The following GRAMD1A variants were observed in gnomAD, a reference collection of about 807,000 sequenced individuals.
GRAMD1A encodes protein Aster-A.
In GRAMD1A, 50 loss-of-function variants were observed where a neutral mutation model predicts 92.0. The observed-to-expected ratio is 0.54, with a 90% CI of 0.43 to 0.69. The LOEUF is 0.69. Ranked by LOEUF, GRAMD1A falls within the 30% of genes least tolerant of loss-of-function variation. The pLI is 0.00. For synonymous variants in GRAMD1A, 405 were observed against 403.6 expected (o/e 1.00, Z -0.04); for missense variants, 819 against 978.9 (o/e 0.84, Z 2.18).
At chr19:35,019,839 A>T (rs977024876) in intron 13 of GRAMD1A, among the ~76,000 whole-genome samples, 14 of 152,208 alleles carry the variant, frequency 9.2e-5, no homozygotes, top group African/African-American at 2.4e-4. Context: ...TGATCAGGAA[A>T]ATCTGCAGAA....
Position 35,013,942 on chromosome 19 carries a change from GCAGA to G in GRAMD1A, c.871-237_871-234del, listed in dbSNP as rs1023950296. Among the ~76,000 whole-genome samples the G allele has an allele frequency of 2.0e-5, 3 of 152,190 alleles. No homozygotes were observed. The highest frequency in any genetic ancestry group is 2.1e-4 in the South Asian group (1 of 4,834). On this transcript the variant is annotated intron_variant, in intron 9 of 19. Coordinates refer to ENST00000317991, the MANE Select transcript of GRAMD1A (RefSeq NM_020895.5). The surrounding 1 kb of genome is among the most constrained non-coding windows in gnomAD (Gnocchi z 4.9). ...GGGAGATGGGTGGATAGATGAAGCA[GCAGA>G]CAGACAGACGGACAGGACAGGTAAG...
chr19:35,000,054 C>T (rs907901822), upstream of GRAMD1A: 3 of 985,740 alleles, frequency 3.0e-6, no homozygotes, highest in African/African-American at 5.2e-5. This position sits in a 1 kb window ranked among gnomAD's most constrained non-coding sequence, Gnocchi z 4.9. Context: ...TTTCTAGGTA[C>T]TAGGGGAGGG....
intron 19 of GRAMD1A, 79 bp downstream of exon 19, chr19:35,023,626 A>T: frequency 7.4e-7 from 1 of 1,355,090 alleles, no homozygotes; most frequent in Non-Finnish European, 9.9e-7. Context: ...TGCGGCAGGC[A>T]CTTCCCCTCT....
intron 6 of GRAMD1A, 33 bp from the exon 7 acceptor site, chr19:35,011,441 G>A (rs771454513): frequency 1.6e-5 from 24 of 1,543,264 alleles, no homozygotes; most frequent in Non-Finnish European, 2.1e-5. Context: ...TCCCCAACCT[G>A]CTCACACCTC....
chr19:35,009,348 G>T lies in GRAMD1A; in HGVS notation c.219+19G>T. Reference sequence around the variant, plus strand: ...CAGCAAGGTTGGTGCAAGCCCAGGTGGGGTGGGGAGAGGGCTAGTGGGGGC... The same window carrying T: ...CAGCAAGGTTGGTGCAAGCCCAGGTTGGGTGGGGAGAGGGCTAGTGGGGGC... On this transcript the variant is annotated intron_variant, in intron 2 of 19. Transcript: ENST00000317991. 3 of 1,613,624 alleles carry T rather than the reference G, an allele frequency of 1.9e-6. No individual in the cohort carries two copies. The highest frequency in any genetic ancestry group is 1.1e-5 in the South Asian group (1 of 91,066).
At chr19:34,995,437 A>G (rs931991741), upstream of GRAMD1A, among the ~76,000 whole-genome samples, 6 of 152,102 alleles carry the variant, frequency 3.9e-5, no homozygotes, top group Admixed American at 3.9e-4. Context: ...AGCCCTCCAG[A>G]TACTGCCTGG....
intron 1 of GRAMD1A, chr19:35,006,027 A>T: frequency 2.2e-6 from 1 of 455,436 alleles, no homozygotes; most frequent in Admixed American, 2.4e-5. Context: ...TCCTGCCTTG[A>T]AATAAACCAA....
upstream of GRAMD1A, among the ~76,000 whole-genome samples, chr19:34,997,101 A>G (rs1270475807): frequency 6.6e-6 from 1 of 151,866 alleles, no homozygotes; most frequent in Non-Finnish European, 1.5e-5. Flanking sequence ...TTTAGTAGAG[A>G]CGAGGTCTGA....
At chr19:35,011,951 G>A (rs1406113474) in intron 7 of GRAMD1A, among the ~76,000 whole-genome samples, 3 of 152,134 alleles carry the variant, frequency 2.0e-5, no homozygotes, top group African/African-American at 7.2e-5. Context: ...CAGAGGCTCC[G>A]ATGTCCCTGG....
At chr19:35,023,689 C>A (rs60137717) in intron 19 of GRAMD1A, 142 bp downstream of exon 19, 130,133 of 735,820 alleles carry the variant, frequency 0.18, 13,103 homozygotes, top group African/African-American at 0.36. Flanking sequence ...AGAGTCCCCA[C>A]CCCACAGCAT....
In GRAMD1A at chr19:35,022,277, C is replaced by T. The variant is rs2290643; in HGVS notation, c.1841+239C>T. ...GAGATCAGAGGGGCCTGACCTCACC[C>T]AAGGATCAAGGGGGGCTTTCTGGAG... On this transcript the variant is annotated intron_variant, in intron 16 of 19. Coordinates refer to ENST00000317991, the MANE Select transcript of GRAMD1A (RefSeq NM_020895.5). 3.8e-3 allele frequency among the ~76,000 whole-genome samples: 575 copies of T among 152,092 alleles called. 27 individuals carry two copies. In the South Asian group the frequency reaches 0.089, roughly 24 times the overall value.
At chr19:35,010,879 T>C (rs1261136210) in intron 6 of GRAMD1A, among the ~76,000 whole-genome samples, 1 of 152,008 alleles carries the variant, frequency 6.6e-6, no homozygotes, top group East Asian at 1.9e-4. Context: ...GCAGGAAGAT[T>C]GCTTGAGCCC....
chr19:35,012,279 C>G (rs1413929108), intron 7 of GRAMD1A, among the ~76,000 whole-genome samples: 1 of 152,254 alleles, frequency 6.6e-6, no homozygotes, highest in Non-Finnish European at 1.5e-5. Flanking sequence ...TGGCTGGACC[C>G]CAGCATGTCA....
At position 35,000,672 on chromosome 19, in the gene GRAMD1A, C is replaced by A. The variant is rs1056364805; in HGVS notation, c.8+186C>A. 1.3e-5 allele frequency among the ~76,000 whole-genome samples: 2 copies of A among 151,344 alleles called. No homozygotes were observed. The highest frequency in any genetic ancestry group is 1.3e-4 in the Admixed American group (2 of 15,230). Reference sequence around the variant, plus strand: ...GGGGGCCCCCGGGCGAGGGGTGCAGCTGGGGAGTGGGGCGCGGACGCAGGG... The same window carrying A: ...GGGGGCCCCCGGGCGAGGGGTGCAGATGGGGAGTGGGGCGCGGACGCAGGG... On this transcript the variant is annotated intron_variant, in intron 1 of 19. Coordinates refer to ENST00000317991, the MANE Select transcript of GRAMD1A (RefSeq NM_020895.5). This position sits in a 1 kb window ranked among gnomAD's most constrained non-coding sequence, Gnocchi z 4.9.
At chr19:35,001,860 G>A (rs1329818711) in intron 1 of GRAMD1A, among the ~76,000 whole-genome samples, 1 of 152,026 alleles carries the variant, frequency 6.6e-6, no homozygotes, top group Non-Finnish European at 1.5e-5. Context: ...CACCCACCTC[G>A]GCCTCCCAAA....
intron 4 of GRAMD1A, 24 bp from the exon 5 acceptor site, chr19:35,010,068 C>T (rs2151711944): frequency 6.5e-7 from 1 of 1,546,592 alleles, no homozygotes; most frequent in South Asian, 1.1e-5. Flanking sequence ...TGGGTGTCCT[C>T]CTGTCTCTCC....
At chr19:35,015,708 T>C (rs1193360359) in intron 10 of GRAMD1A, 116 bp from the exon 11 acceptor site, 10 of 940,022 alleles carry the variant, frequency 1.1e-5, no homozygotes, top group Non-Finnish European at 1.6e-5. Flanking sequence ...CCAGCTGTGC[T>C]CCAGGAGGTG....
intron 1 of GRAMD1A, among the ~76,000 whole-genome samples, chr19:35,003,191 A>AGAG (rs757595730): frequency 2.0e-5 from 3 of 151,202 alleles, no homozygotes; most frequent in Non-Finnish European, 4.4e-5. Flanking sequence ...TATGAGAGAG[A>AGAG]GAGAGAGGAA....
At chr19:35,024,362 G>A (rs1337516748) in intron 19 of GRAMD1A, among the ~76,000 whole-genome samples, 1 of 152,162 alleles carries the variant, frequency 6.6e-6, no homozygotes, top group Admixed American at 6.5e-5. Flanking sequence ...TAAATGTGAT[G>A]TCATCACACG....
Sources: allele counts gnomAD v4.1 joint callset (sites outside exome capture counted in the v4.1 genomes callset), GRCh38; gene constraint gnomAD v4.1.1; non-coding constraint Gnocchi (gnomAD v3.1); transcripts MANE v1.5; gene names NCBI Gene and HGNC (gene_info 2026-07-23, HGNC 2026-07-21).